Variants in TTLL11 observed in about 807,000 individuals in gnomAD.
TTLL11 encodes tubulin tyrosine ligase like 11.
TTLL11 carries 42 observed loss-of-function variants against 51.7 expected under a neutral mutation model. That is an observed-to-expected ratio of 0.81 (90% CI 0.64 to 1.05). TTLL11 has a LOEUF of 1.05. Ranked by LOEUF, TTLL11 falls within the 50% of genes least tolerant of loss-of-function variation. TTLL11 has a pLI of 0.00. For missense variants in TTLL11, 799 were observed against 940.4 expected (o/e 0.85, Z 1.97); for synonymous variants, 381 against 383.5 (o/e 0.99, Z 0.08).
chr9:122,052,753 G>C (rs1321154444), intron 1 of TTLL11, among the ~76,000 whole-genome samples: 4 of 152,108 alleles, frequency 2.6e-5, no homozygotes, highest in African/African-American at 9.7e-5. Flanking sequence ...AGTCTTCATG[G>C]GTAGGCACGT....
chr9:121,944,379 G>C (rs1310818493), intron 6 of TTLL11, among the ~76,000 whole-genome samples: 1 of 152,062 alleles, frequency 6.6e-6, no homozygotes, highest in South Asian at 2.1e-4. Flanking sequence ...ATGGTGGCAG[G>C]CACCTGTAGT....
chr9:121,947,585 A>G (rs1841713280), intron 6 of TTLL11, among the ~76,000 whole-genome samples: 1 of 152,208 alleles, frequency 6.6e-6, no homozygotes, highest in Admixed American at 6.5e-5. Context: ...TGTCAGTGAA[A>G]AAGGAAAATA....
chr9:122,034,007 C>A (rs914864807), intron 2 of TTLL11, among the ~76,000 whole-genome samples: 1 of 152,168 alleles, frequency 6.6e-6, no homozygotes, highest in African/African-American at 2.4e-5. Flanking sequence ...AAAACTTCAA[C>A]TTTTTTGGAA....
chr9:121,895,884 C>T (rs973787970), intron 6 of TTLL11, among the ~76,000 whole-genome samples: 39 of 1,200 alleles, frequency 0.033, no homozygotes, highest in Non-Finnish European at 0.01. Context: ...GACTGTGTGT[C>T]ATTGTATCTG....
intron 8 of TTLL11, among the ~76,000 whole-genome samples, chr9:121,826,557 G>GTGTGTATATATATATATATA (rs1189626793): frequency 4.9e-4 from 25 of 51,338 alleles, no homozygotes; most frequent in African/African-American, 1.8e-3. Context: ...ATATGTGTGT[G>GTGTGTATATATATATATATA]TATATATATA....
At position 122,013,906 on chromosome 9, in the gene TTLL11, A is replaced by G. The variant is rs556452371; in HGVS notation, c.693+17817T>C. On this transcript the variant is annotated intron_variant, in intron 3 of 8. Coordinates refer to ENST00000321582, the MANE Select transcript of TTLL11 (RefSeq NM_001139442.2). ...CCAATGAAGAGTTTTATGAAAGTCC[A>G]GGAAAGCCAAACCCAGAGAATCACA... Among the ~76,000 whole-genome samples the G allele has an allele frequency of 2.2e-4, 33 of 152,386 alleles. No homozygotes were observed. The South Asian group carries it at 6.6e-3, about 31-fold the overall frequency.
intron 4 of TTLL11, among the ~76,000 whole-genome samples, chr9:121,976,578 G>C (rs1400366768): frequency 1.3e-5 from 2 of 152,168 alleles, no homozygotes; most frequent in Non-Finnish European, 2.9e-5. Context: ...CTTCTCTGTG[G>C]ATTCAAGGAG....
intron 6 of TTLL11, among the ~76,000 whole-genome samples, chr9:121,955,614 A>C (rs940830019): frequency 6.6e-6 from 1 of 152,184 alleles, no homozygotes; most frequent in African/African-American, 2.4e-5. Context: ...GGAGCAAAAG[A>C]AAAAGTCTAG....
At chr9:121,877,958 C>T (rs2131410736) in intron 6 of TTLL11, among the ~76,000 whole-genome samples, 1 of 152,292 alleles carries the variant, frequency 6.6e-6, no homozygotes, top group South Asian at 2.1e-4. Context: ...TCCTTTGACC[C>T]TAGCAAGAAT....
At chr9:121,842,141 GA>G (rs1313403853) in intron 8 of TTLL11, among the ~76,000 whole-genome samples, 1 of 152,192 alleles carries the variant, frequency 6.6e-6, no homozygotes, top group Admixed American at 6.5e-5. Context: ...TGGGGATGTA[GA>G]AAGTCAATGG....
Position 121,978,773 on chromosome 9 carries a change from G to A in TTLL11, c.1270-3794C>T, listed in dbSNP as rs74316328. Among the ~76,000 whole-genome samples the A allele has an allele frequency of 5.3e-4, 81 of 152,234 alleles. 1 individual carries two copies. In the East Asian group the frequency reaches 0.015, roughly 29 times the overall value. Reference sequence around the variant, plus strand: ...GCCATTAATTATAAATTTATGCAAAGGTTCCAAACTACATCCTAACAGCAG... The same window carrying A: ...GCCATTAATTATAAATTTATGCAAAAGTTCCAAACTACATCCTAACAGCAG... On this transcript the variant is annotated intron_variant, in intron 4 of 8. Coordinates refer to ENST00000321582, the MANE Select transcript of TTLL11 (RefSeq NM_001139442.2).
intron 1 of TTLL11, among the ~76,000 whole-genome samples, 179 bp from the exon 2 acceptor site, chr9:122,039,547 A>G (rs1465409693): frequency 1.3e-5 from 2 of 152,222 alleles, no homozygotes; most frequent in Non-Finnish European, 2.9e-5. Context: ...AGATTCAAAC[A>G]GGTTTAATAA....
chr9:121,992,826 C>A (rs1002794791), intron 3 of TTLL11, among the ~76,000 whole-genome samples: 2 of 152,144 alleles, frequency 1.3e-5, no homozygotes, highest in African/African-American at 4.8e-5. Flanking sequence ...ATTTAGAAAC[C>A]GCTACTGGGA....
chr9:121,865,617 C>T (rs1234701995), intron 7 of TTLL11, among the ~76,000 whole-genome samples: 1 of 152,044 alleles, frequency 6.6e-6, no homozygotes, highest in Non-Finnish European at 1.5e-5. Context: ...GACAAAAATG[C>T]ATCTCCCTCC....
chr9:122,053,110 T>G (rs1845203890), intron 1 of TTLL11, among the ~76,000 whole-genome samples: 1 of 152,132 alleles, frequency 6.6e-6, no homozygotes, highest in Non-Finnish European at 1.5e-5. Flanking sequence ...AAGCTGGCCG[T>G]CCACAAACCC....
At chr9:121,945,691 T>G (rs1361462328) in intron 6 of TTLL11, among the ~76,000 whole-genome samples, 1 of 152,240 alleles carries the variant, frequency 6.6e-6, no homozygotes, top group African/African-American at 2.4e-5. Context: ...TCACTCTACA[T>G]TTAATGATTC....
At chr9:122,004,359 T>C (rs1033758848) in intron 3 of TTLL11, among the ~76,000 whole-genome samples, 3 of 152,054 alleles carry the variant, frequency 2.0e-5, no homozygotes, top group Non-Finnish European at 2.9e-5. Context: ...CAGCATTTTT[T>C]TTTTTTTGAG....
chr9:122,050,874 C>T (rs899720577), intron 1 of TTLL11, among the ~76,000 whole-genome samples: 9 of 152,090 alleles, frequency 5.9e-5, no homozygotes, highest in African/African-American at 2.2e-4. Flanking sequence ...TCAGGGTCTG[C>T]GGCTCTGCCC....
At chr9:121,876,633 A>G (rs902615740) in intron 6 of TTLL11, among the ~76,000 whole-genome samples, 4 of 152,046 alleles carry the variant, frequency 2.6e-5, no homozygotes, top group African/African-American at 9.7e-5. Flanking sequence ...GAGGAATGGC[A>G]AGATTAAAAC....
Sources: allele counts gnomAD v4.1 joint callset (sites outside exome capture counted in the v4.1 genomes callset), GRCh38; gene constraint gnomAD v4.1.1; transcripts MANE v1.5; gene names NCBI Gene and HGNC (gene_info 2026-07-23, HGNC 2026-07-21).